Variants in LEPR observed in about 807,000 individuals in gnomAD.
LEPR encodes the protein leptin receptor.
In LEPR, 56 loss-of-function variants were observed where a neutral mutation model predicts 114.7. The observed-to-expected ratio is 0.49, with a 90% CI of 0.39 to 0.61. The LOEUF (loss-of-function observed/expected upper bound fraction) is 0.61. Among genes scored for constraint, LEPR ranks in the 20% least tolerant of loss-of-function variants. LEPR has a pLI of 0.00. For synonymous variants in LEPR, 443 were observed against 461.4 expected (o/e 0.96, Z 0.51); for missense variants, 1,202 against 1,352.9 (o/e 0.89, Z 1.75).
chr1:65,476,314 GC>G (rs1647159288), intron 2 of LEPR, among the ~76,000 whole-genome samples: 1 of 151,934 alleles, frequency 6.6e-6, no homozygotes, highest in African/African-American at 2.4e-5. Flanking sequence ...AAATGAACAT[GC>G]TTTTAGTGGT....
chr1:65,492,514 G>A (rs954288184), intron 2 of LEPR, among the ~76,000 whole-genome samples: 2 of 152,004 alleles, frequency 1.3e-5, no homozygotes, highest in African/African-American at 2.4e-5. Context: ...TCACTGAAAA[G>A]CCTTTAAATA....
intron 14 of LEPR, among the ~76,000 whole-genome samples, chr1:65,612,022 C>T (rs535332128): frequency 6.6e-6 from 1 of 152,060 alleles, no homozygotes; most frequent in Non-Finnish European, 1.5e-5. Context: ...GTCAATTTGC[C>T]TTTCATTAAT....
At chr1:65,507,457 GTGTA>G (rs1234703359) in intron 2 of LEPR, among the ~76,000 whole-genome samples, 27 of 132,544 alleles carry the variant, frequency 2.0e-4, no homozygotes, top group African/African-American at 6.2e-4. Context: ...GTGTGTGTGT[GTGTA>G]TATATATATA....
In LEPR at chr1:65,466,388, A is replaced by G. The variant is rs562008539; in HGVS notation, c.-21+41010A>G. Among the ~76,000 whole-genome samples, 14 of 152,262 alleles carry G rather than the reference A, an allele frequency of 9.2e-5. No homozygotes were observed. The South Asian group carries it at 2.3e-3, about 25-fold the overall frequency. On this transcript the variant is annotated intron_variant, in intron 2 of 19. Coordinates refer to ENST00000349533, the MANE Select transcript of LEPR (RefSeq NM_002303.6). ...TTTGGCTTGTAGGGTTTCTGCCGAG[A>G]GATCCGCTGTTAGTCTGATGGGCTT...
chr1:65,420,746 T>A lies in LEPR; in HGVS notation c.-97+6T>A. 6.3e-7 allele frequency: 1 copy of A among 1,581,316 alleles called. No individual in the cohort carries two copies. The highest frequency in any genetic ancestry group is 8.6e-7 in the Non-Finnish European group (1 of 1,165,892). ...AGACATGGCGGGCGTTAAAGGTACA[T>A]CGCGGTCCCCGGCTCGCTTGTCGTG... On this transcript the variant is annotated splice_donor_region_variant and intron_variant, in intron 1 of 19. Transcript: ENST00000349533.
At chr1:65,474,360 G>A (rs1422461667) in intron 2 of LEPR, among the ~76,000 whole-genome samples, 1 of 152,128 alleles carries the variant, frequency 6.6e-6, no homozygotes, top group African/African-American at 2.4e-5. Context: ...TTTTAAAACT[G>A]AGCAAATATT....
intron 2 of LEPR, among the ~76,000 whole-genome samples, chr1:65,507,459 G>GTGTGTGTA (rs375120311): frequency 0.3 from 41,037 of 138,740 alleles, 7,778 homozygotes; most frequent in Non-Finnish European, 0.43. Context: ...GTGTGTGTGT[G>GTGTGTGTA]TATATATATA....
intron 2 of LEPR, among the ~76,000 whole-genome samples, chr1:65,528,700 A>C (rs1205478543): frequency 6.6e-6 from 1 of 152,172 alleles, no homozygotes; most frequent in African/African-American, 2.4e-5. Context: ...CAAATTTCTC[A>C]TTATTCACCA....
intron 18 of LEPR, among the ~76,000 whole-genome samples, chr1:65,621,896 G>A (rs1347778943): frequency 6.6e-6 from 1 of 152,034 alleles, no homozygotes; most frequent in Non-Finnish European, 1.5e-5. Flanking sequence ...TCTTGGGGCT[G>A]ACATCTTTCC....
In LEPR at chr1:65,565,843, T is replaced by TCA. The variant is rs67805092; in HGVS notation, c.40+239_40+240insAC. ...GTATCCTTCCAGAATCCTCTCTCTC[T>TCA]CTCACACACACACACACACAGACTC... On this transcript the variant is annotated intron_variant, in intron 3 of 19. Transcript: ENST00000349533. Among the ~76,000 whole-genome samples, 2,401 of 150,368 alleles carry TCA rather than the reference T, an allele frequency of 0.016. 33 individuals carry two copies. Among genetic ancestry groups the TCA allele is most frequent in the African/African-American group, 0.03 (1,227 of 40,866 alleles).
chr1:65,614,004 C>A (rs942006029), intron 14 of LEPR, among the ~76,000 whole-genome samples: 7 of 151,876 alleles, frequency 4.6e-5, no homozygotes, highest in African/African-American at 9.7e-5. Context: ...TGTGGAAATG[C>A]AAAATGGTAC....
Position 65,464,770 on chromosome 1 carries a change from C to G in LEPR, c.-21+39392C>G, listed in dbSNP as rs1230778731. Among the ~76,000 whole-genome samples the G allele has an allele frequency of 2.0e-5, 3 of 152,108 alleles. No homozygotes were observed. The East Asian group carries it at 5.8e-4, about 29-fold the overall frequency. On this transcript the variant is annotated intron_variant, in intron 2 of 19. Transcript: ENST00000349533. Reference sequence around the variant, plus strand: ...TTTAGTCTTGGGAGGGTGTATGTGTCCAGGAATTAATCCATTTCTTCTAGA... The same window carrying G: ...TTTAGTCTTGGGAGGGTGTATGTGTGCAGGAATTAATCCATTTCTTCTAGA...
At chr1:65,533,309 C>G (rs1379251799) in intron 2 of LEPR, among the ~76,000 whole-genome samples, 7 of 152,062 alleles carry the variant, frequency 4.6e-5, no homozygotes, top group Admixed American at 3.9e-4. Context: ...AATAGGATCT[C>G]TATTAAATTC....
At chr1:65,544,212 G>A (rs1346598711) in intron 2 of LEPR, among the ~76,000 whole-genome samples, 2 of 151,902 alleles carry the variant, frequency 1.3e-5, no homozygotes, top group African/African-American at 4.9e-5. Flanking sequence ...AATTGTGAAT[G>A]GGAGTTCACT....
chr1:65,585,257 C>A (rs567489809), intron 5 of LEPR, among the ~76,000 whole-genome samples: 1 of 152,062 alleles, frequency 6.6e-6, no homozygotes, highest in Admixed American at 6.6e-5. Context: ...ACTAAATTTT[C>A]TAATTCCACT....
intron 2 of LEPR, chr1:65,433,464 T>C: frequency 4.1e-6 from 4 of 985,406 alleles, no homozygotes; most frequent in Non-Finnish European, 4.8e-6. Flanking sequence ...AACCATTTGA[T>C]CAGAATACAA....
chr1:65,476,365 CT>C (rs1406419070), intron 2 of LEPR, among the ~76,000 whole-genome samples: 1 of 151,888 alleles, frequency 6.6e-6, no homozygotes, highest in African/African-American at 2.4e-5. Context: ...ATTTACAGCT[CT>C]TTTTGTGTAA....
chr1:65,427,448 G>T (rs1444055489), intron 2 of LEPR, among the ~76,000 whole-genome samples: 2 of 152,142 alleles, frequency 1.3e-5, no homozygotes, highest in African/African-American at 4.8e-5. Flanking sequence ...CCTGTAGCAG[G>T]GTTGGGAGGC....
At chr1:65,454,504 C>T (rs201386299) in intron 2 of LEPR, among the ~76,000 whole-genome samples, 6 of 151,968 alleles carry the variant, frequency 3.9e-5, no homozygotes, top group South Asian at 4.2e-4. Flanking sequence ...TCAGCATTTG[C>T]TTGTCTGTAA....
Sources: gnomAD v4.1 joint callset for allele counts (sites outside exome capture counted in the v4.1 genomes callset) on GRCh38, gnomAD v4.1.1 for gene constraint, MANE v1.5 for transcripts, NCBI Gene and HGNC (gene_info 2026-07-23, HGNC 2026-07-21) for gene names.